GABBR2: variants seen among roughly 807,000 people sequenced by gnomAD.
GABBR2 encodes G-protein coupled receptor 51.
GABBR2 carries 23 observed loss-of-function variants against 105.6 expected under a neutral mutation model. The observed-to-expected ratio is 0.22, with a 90% CI of 0.16 to 0.31. The LOEUF (loss-of-function observed/expected upper bound fraction) is 0.31. Among genes scored for constraint, GABBR2 ranks in the 10% least tolerant of loss-of-function variants. The pLI, the probability that GABBR2 is intolerant of heterozygous loss-of-function variation, is 1.00. For missense variants in GABBR2, 734 were observed against 1,245.5 expected (o/e 0.59, Z 6.18); for synonymous variants, 478 against 499.7 (o/e 0.96, Z 0.58).
chr9:98,643,158 A>T (rs915115213), intron 1 of GABBR2, among the ~76,000 whole-genome samples: 2 of 152,248 alleles, frequency 1.3e-5, no homozygotes, highest in African/African-American at 4.8e-5. Flanking sequence ...TGCAGTTCCC[A>T]CTGGGCACTC....
intron 13 of GABBR2, among the ~76,000 whole-genome samples, chr9:98,347,926 G>T (rs758946526): frequency 6.6e-6 from 1 of 152,134 alleles, no homozygotes; most frequent in Non-Finnish European, 1.5e-5. Context: ...AGACCTGATG[G>T]TTTCATAAAT....
At chr9:98,427,318 T>C (rs1411537890) in intron 7 of GABBR2, among the ~76,000 whole-genome samples, 1 of 152,214 alleles carries the variant, frequency 6.6e-6, no homozygotes, top group African/African-American at 2.4e-5. Context: ...CCATTTACTA[T>C]GGCTCTTCTA....
At chr9:98,313,429 G>A (rs370904569) in intron 13 of GABBR2, among the ~76,000 whole-genome samples, 1 of 152,074 alleles carries the variant, frequency 6.6e-6, no homozygotes, top group East Asian at 1.9e-4. Context: ...CAACACTGCC[G>A]AGTTCTTGCT....
chr9:98,586,593 C>T (rs2131790295), intron 1 of GABBR2, among the ~76,000 whole-genome samples: 1 of 152,348 alleles, frequency 6.6e-6, no homozygotes, highest in Middle Eastern at 3.4e-3. Flanking sequence ...AGCCACCGTG[C>T]CAGCCCCTTC....
chr9:98,485,903 C>T (rs1588188717), intron 4 of GABBR2, among the ~76,000 whole-genome samples: 1 of 152,166 alleles, frequency 6.6e-6, no homozygotes, highest in Non-Finnish European at 1.5e-5. Flanking sequence ...CCATGCCCCA[C>T]ACCCCACAGA....
chr9:98,342,614 T>C (rs1476693001), intron 13 of GABBR2, among the ~76,000 whole-genome samples: 1 of 152,060 alleles, frequency 6.6e-6, no homozygotes, highest in Non-Finnish European at 1.5e-5. Context: ...TGGACCATGG[T>C]CTGCATCTGG....
chr9:98,590,451 T>A (rs1829130574), intron 1 of GABBR2, among the ~76,000 whole-genome samples: 2 of 152,236 alleles, frequency 1.3e-5, no homozygotes, highest in South Asian at 4.1e-4. Context: ...TTACCCAATT[T>A]ACAAAATGTT....
chr9:98,333,150 A>G (rs1173482034), intron 13 of GABBR2, among the ~76,000 whole-genome samples: 1 of 152,112 alleles, frequency 6.6e-6, no homozygotes, highest in African/African-American at 2.4e-5. Flanking sequence ...CGGGTAATAA[A>G]TGATGCTCTG....
intron 13 of GABBR2, among the ~76,000 whole-genome samples, chr9:98,358,524 G>A (rs929227977): frequency 6.6e-6 from 1 of 152,208 alleles, no homozygotes; most frequent in African/African-American, 2.4e-5. Context: ...GTACCATGAG[G>A]GTTGTGAGTT....
At chr9:98,377,971 A>T (rs1831907425) in intron 11 of GABBR2, among the ~76,000 whole-genome samples, 1 of 152,182 alleles carries the variant, frequency 6.6e-6, no homozygotes, top group African/African-American at 2.4e-5. Context: ...GAAATCACAA[A>T]GCATGTTACC....
rs193204753 is a variant in GABBR2 at position 98,353,182 on chromosome 9, T to C, written c.1893+9533A>G. 5.3e-5 allele frequency among the ~76,000 whole-genome samples: 8 copies of C among 152,336 alleles called. No individual in the cohort carries two copies. The East Asian group carries it at 1.5e-3, about 29-fold the overall frequency. ...CACTAAAGATCTATTTTCCCCACTG[T>C]GGAGAGTCCCTCCTGGCTCTGAGCT... On this transcript the variant is annotated intron_variant, in intron 13 of 18. Coordinates refer to ENST00000259455, the MANE Select transcript of GABBR2 (RefSeq NM_005458.8).
At chr9:98,595,377 G>A (rs1257731236) in intron 1 of GABBR2, among the ~76,000 whole-genome samples, 1 of 151,666 alleles carries the variant, frequency 6.6e-6, no homozygotes, top group East Asian at 2.0e-4. Context: ...TGACTCTTGG[G>A]GGAAAGGAAA....
chr9:98,353,860 G>T (rs1166186356), intron 13 of GABBR2, among the ~76,000 whole-genome samples: 1 of 152,126 alleles, frequency 6.6e-6, no homozygotes, highest in African/African-American at 2.4e-5. Flanking sequence ...AAATTCTCAC[G>T]AGATCTAATA....
intron 9 of GABBR2, among the ~76,000 whole-genome samples, chr9:98,390,567 C>T (rs1249615817): frequency 6.6e-6 from 1 of 151,768 alleles, no homozygotes; most frequent in African/African-American, 2.4e-5. Flanking sequence ...GCATCAAGGG[C>T]CAAAAGTCTG....
intron 1 of GABBR2, among the ~76,000 whole-genome samples, chr9:98,597,074 C>G (rs2131800984): frequency 6.6e-6 from 1 of 152,212 alleles, no homozygotes; most frequent in Non-Finnish European, 1.5e-5. Flanking sequence ...AATATTAGGT[C>G]AACAAGGGAT....
chr9:98,389,093 G>C, intron 9 of GABBR2, 89 bp from the exon 10 acceptor site: 1 of 1,161,974 alleles, frequency 8.6e-7, no homozygotes, highest in Middle Eastern at 2.9e-4. Context: ...CATCCAGCCA[G>C]GCCCTGCGCA....
intron 1 of GABBR2, among the ~76,000 whole-genome samples, chr9:98,701,815 C>A (rs1039285360): frequency 6.6e-6 from 1 of 152,134 alleles, no homozygotes; most frequent in Non-Finnish European, 1.5e-5. Flanking sequence ...ACAAGGGACC[C>A]GTCACACTGC....
chr9:98,595,679 A>T (rs1459648425), intron 1 of GABBR2, among the ~76,000 whole-genome samples: 1 of 132,476 alleles, frequency 7.5e-6, no homozygotes, highest in Non-Finnish European at 1.6e-5. Flanking sequence ...AAAACAAAAA[A>T]ACTAAAGAGA....
chr9:98,406,789 C>T (rs1432686472), intron 7 of GABBR2, among the ~76,000 whole-genome samples: 1 of 152,214 alleles, frequency 6.6e-6, no homozygotes, highest in Non-Finnish European at 1.5e-5. Context: ...ATAGCGTTAT[C>T]TCCTGCATCT....
Sources: gnomAD v4.1 joint callset for allele counts (sites outside exome capture counted in the v4.1 genomes callset) on GRCh38, gnomAD v4.1.1 for gene constraint, MANE v1.5 for transcripts, NCBI Gene and HGNC (gene_info 2026-07-23, HGNC 2026-07-21) for gene names.